The following FAM135B variants were observed in gnomAD, a reference collection of about 807,000 sequenced individuals.
FAM135B encodes family with sequence similarity 135 member B, also known as protein FAM135B.
Under a neutral mutation model 127.7 loss-of-function variants are expected in FAM135B, and 43 were observed. The observed-to-expected ratio is 0.34, with a 90% CI of 0.26 to 0.43. The LOEUF (loss-of-function observed/expected upper bound fraction) is 0.43, where lower values mean the gene tolerates loss of function less well. FAM135B is among the 20% of genes least tolerant of loss of function. The pLI, the probability that FAM135B is intolerant of heterozygous loss-of-function variation, is 1.00. For missense variants in FAM135B, 1,558 were observed against 1,725.6 expected (o/e 0.90, Z 1.72); for synonymous variants, 670 against 665.1 (o/e 1.01, Z -0.11).
At position 138,408,839 on chromosome 8, in the gene FAM135B, T is replaced by C. The variant is rs190716248; in HGVS notation, c.-19-40837A>G. On this transcript the variant is annotated intron_variant, in intron 1 of 19. Transcript: ENST00000395297. The stretch of plus-strand genomic sequence containing the variant: ...CTCACCAGGTCCCTCTCTTGACACG[T>C]GGGGTTACAATCTGAGATGAGATTT... 8.1e-4 allele frequency among the ~76,000 whole-genome samples: 124 copies of C among 152,176 alleles called. 1 individual carries two copies. The highest frequency in any genetic ancestry group is 2.7e-3 in the African/African-American group (111 of 41,546).
At chr8:138,142,856 G>T in intron 16 of FAM135B, 156 bp downstream of exon 16, 1 of 574,650 alleles carries the variant, frequency 1.7e-6, no homozygotes, top group South Asian at 2.2e-5. Context: ...GCCAGACCTG[G>T]TACTTACTTC....
intron 6 of FAM135B, among the ~76,000 whole-genome samples, chr8:138,245,534 A>T (rs1285274418): frequency 1.3e-5 from 2 of 152,232 alleles, no homozygotes; most frequent in Admixed American, 6.5e-5. Context: ...GCAGAAGGAC[A>T]TGTTTGCCTC....
intron 1 of FAM135B, among the ~76,000 whole-genome samples, chr8:138,472,230 G>T (rs947275636): frequency 6.6e-6 from 1 of 152,068 alleles, no homozygotes; most frequent in Non-Finnish European, 1.5e-5. Flanking sequence ...ATATGTATAC[G>T]TTAATGAGCT....
intron 3 of FAM135B, among the ~76,000 whole-genome samples, chr8:138,305,230 TTA>T (rs927246493): frequency 1.3e-5 from 2 of 152,234 alleles, no homozygotes; most frequent in African/African-American, 2.4e-5. Context: ...ATGGCAATTT[TTA>T]TATGTTTCCA....
chr8:138,362,571 G>A (rs916679041), intron 2 of FAM135B, among the ~76,000 whole-genome samples: 1 of 152,164 alleles, frequency 6.6e-6, no homozygotes, highest in Non-Finnish European at 1.5e-5. Flanking sequence ...TCATTTGTCA[G>A]CTGTGTGTAC....
At chr8:138,143,152 G>A (rs771749256) in intron 15 of FAM135B, 43 bp from the exon 16 acceptor site, 33 of 1,151,312 alleles carry the variant, frequency 2.9e-5, no homozygotes, top group African/African-American at 2.1e-4. Flanking sequence ...TGGTTGTGGC[G>A]GGGGCTGGGC....
At chr8:138,198,702 A>T (rs1816861124) in intron 7 of FAM135B, among the ~76,000 whole-genome samples, 1 of 152,238 alleles carries the variant, frequency 6.6e-6, no homozygotes, top group Admixed American at 6.5e-5. Flanking sequence ...AATTTGTCCA[A>T]TGAGGAAAAG....
chr8:138,258,814 CACA>C (rs1822315484), intron 4 of FAM135B, among the ~76,000 whole-genome samples: 1 of 84,286 alleles, frequency 1.2e-5, no homozygotes, highest in Non-Finnish European at 2.8e-5. Context: ...CACACACACA[CACA>C]CACACACACA....
At chr8:138,246,614 G>A (rs563239298) in intron 6 of FAM135B, among the ~76,000 whole-genome samples, 13 of 152,296 alleles carry the variant, frequency 8.5e-5, no homozygotes, top group African/African-American at 3.1e-4. Context: ...GTTTGCTGCA[G>A]GAGCAGACCC....
chr8:138,351,618 G>A (rs916932059), intron 2 of FAM135B, among the ~76,000 whole-genome samples: 3 of 151,226 alleles, frequency 2.0e-5, no homozygotes, highest in African/African-American at 7.3e-5. Context: ...CCCAGTTTTG[G>A]ATACTTTGTA....
intron 3 of FAM135B, among the ~76,000 whole-genome samples, chr8:138,282,185 C>T (rs147251864): frequency 6.6e-6 from 1 of 152,206 alleles, no homozygotes; most frequent in African/African-American, 2.4e-5. Context: ...TTCAAAGATA[C>T]CATACATTTA....
intron 1 of FAM135B, among the ~76,000 whole-genome samples, chr8:138,441,966 G>T (rs113796219): frequency 2.6e-3 from 398 of 151,862 alleles, no homozygotes; most frequent in Non-Finnish European, 4.8e-3. Flanking sequence ...AGAGAGAAGT[G>T]TTGGGAAATC....
chr8:138,213,298 G>T (rs1289629616), intron 7 of FAM135B, among the ~76,000 whole-genome samples: 2 of 151,926 alleles, frequency 1.3e-5, no homozygotes, highest in Admixed American at 1.3e-4. Flanking sequence ...CGATCACTAC[G>T]TAAATAGTAG....
At chr8:138,403,924 GA>G (rs1350575620) in intron 1 of FAM135B, among the ~76,000 whole-genome samples, 2 of 152,280 alleles carry the variant, frequency 1.3e-5, no homozygotes, top group East Asian at 3.9e-4. Flanking sequence ...TTAGTGTGTA[GA>G]AGACAGATGT....
chr8:138,164,363 G>A (rs1347188967), intron 12 of FAM135B, among the ~76,000 whole-genome samples: 1 of 152,156 alleles, frequency 6.6e-6, no homozygotes, highest in African/African-American at 2.4e-5. Flanking sequence ...CCAGGAAGAT[G>A]AGTGCACCTG....
At chr8:138,354,795 G>T (rs1829989529) in intron 2 of FAM135B, among the ~76,000 whole-genome samples, 1 of 152,226 alleles carries the variant, frequency 6.6e-6, no homozygotes, top group East Asian at 1.9e-4. Flanking sequence ...AAAATGCCAT[G>T]GGAGAAACAT....
In FAM135B at chr8:138,142,232, A is replaced by AAAAGTAGTGTTGATTG. The variant is rs1440447233; in HGVS notation, c.3638+779_3638+780insCAATCAACACTACTTT. Among the ~76,000 whole-genome samples, 13 of 151,678 alleles carry AAAAGTAGTGTTGATTG rather than the reference A, an allele frequency of 8.6e-5. No homozygotes were observed. The East Asian group carries it at 1.9e-3, about 23-fold the overall frequency. ...GAAACATTTGGTACAGTGTAAGAAT[A>AAAAGTAGTGTTGATTG]AAAGTAGTGCTGATTGAAACTCTCT... On this transcript the variant is annotated intron_variant, in intron 16 of 19. Transcript: ENST00000395297.
At chr8:138,433,423 T>A (rs1835299909) in intron 1 of FAM135B, among the ~76,000 whole-genome samples, 1 of 24 alleles carries the variant, frequency 0.042, no homozygotes. Context: ...TCAGGAGGCT[T>A]GAGGCAAGAG....
chr8:138,496,116 C>T (rs1403649043), intron 1 of FAM135B, among the ~76,000 whole-genome samples: 19 of 152,196 alleles, frequency 1.2e-4, no homozygotes. Context: ...ACAGTTACTA[C>T]TTGCCTCGTC....
Sources: allele counts gnomAD v4.1 joint callset (sites outside exome capture counted in the v4.1 genomes callset), GRCh38; gene constraint gnomAD v4.1.1; transcripts MANE v1.5; gene names NCBI Gene and HGNC (gene_info 2026-07-23, HGNC 2026-07-21).